The following SH3GL1 variants were observed in gnomAD, a reference collection of about 807,000 sequenced individuals.
SH3GL1 encodes SH3 domain containing GRB2 like 1, endophilin A2.
Under a neutral mutation model 48.8 loss-of-function variants are expected in SH3GL1, and 21 were observed. That is an observed-to-expected ratio of 0.43 (90% CI 0.30 to 0.62). SH3GL1 has a LOEUF of 0.62. Among genes scored for constraint, SH3GL1 ranks in the 20% least tolerant of loss-of-function variants. The probability of loss-of-function intolerance (pLI) is 0.11; values close to 1 mark genes in which losing one functional copy is unlikely to be tolerated. For synonymous variants in SH3GL1, 282 were observed against 217.5 expected (o/e 1.30, Z -2.61); for missense variants, 454 against 503.0 (o/e 0.90, Z 0.93).
Position 4,363,216 on chromosome 19 carries a change from C to T in SH3GL1, c.728+154G>A, listed in dbSNP as rs577330136. 2.8e-3 allele frequency among the ~76,000 whole-genome samples: 420 copies of T among 152,312 alleles called. 2 individuals carry two copies. Among genetic ancestry groups the T allele is most frequent in the African/African-American group, 9.9e-3 (411 of 41,566 alleles). On this transcript the variant is annotated intron_variant, in intron 7 of 9. Coordinates refer to ENST00000269886, the MANE Select transcript of SH3GL1 (RefSeq NM_003025.4). ...CTCAGAGCCCCAGCTCCTCTGACCTCGCGGCCCCCCAGGCCTTTCCACTCA... is the reference window on the plus strand; with the variant it reads ...CTCAGAGCCCCAGCTCCTCTGACCTTGCGGCCCCCCAGGCCTTTCCACTCA...
At chr19:4,363,913 CG>C in intron 5 of SH3GL1, 35 bp from the exon 6 acceptor site, 1 of 1,611,334 alleles carries the variant, frequency 6.2e-7, no homozygotes. Context: ...ACACCAGTAG[CG>C]GCCAGAGGGC....
intron 1 of SH3GL1, among the ~76,000 whole-genome samples, chr19:4,397,481 A>G (rs1393247353): frequency 2.0e-5 from 3 of 152,230 alleles, no homozygotes; most frequent in Non-Finnish European, 2.9e-5. Context: ...GTGTCAGCTC[A>G]GGACAATATG....
chr19:4,377,555 G>A (rs377434885), intron 1 of SH3GL1, among the ~76,000 whole-genome samples: 11 of 152,210 alleles, frequency 7.2e-5, no homozygotes, highest in African/African-American at 1.9e-4. Flanking sequence ...CGGGTGGCAC[G>A]GGGCAGGGCA....
intron 1 of SH3GL1, among the ~76,000 whole-genome samples, chr19:4,392,518 T>TCACACACACACACACACACACA (rs60108906): frequency 7.3e-6 from 1 of 137,766 alleles, no homozygotes; most frequent in African/African-American, 2.8e-5. Context: ...CAAGACTCCG[T>TCACACACACACACACACACACA]CACACACACA....
chr19:4,361,629 C>G lies in SH3GL1; in HGVS notation c.1078G>C (p.Val360Leu). The G allele has an allele frequency of 6.2e-7, 1 of 1,606,078 alleles. No homozygotes were observed. The highest frequency in any genetic ancestry group is 8.5e-7 in the Non-Finnish European group (1 of 1,178,984). The change falls in exon 10 of 10, where the codon GTG becomes CTG. Residue 360 changes from valine (V) to leucine (L), a missense_variant. Val to Leu is a conservative substitution (Grantham distance 32). Transcript: ENST00000269886. ...GQSGFFPLSY[V>L]EVLVPLPQ ...TGCGGCAGGGGCACAAGCACCTCCA[C>G]GTAGCTGAGCGGGAAGAAGCCCGAC... is the stretch of plus-strand genomic sequence containing the variant.
At position 4,361,039 on chromosome 19, in the gene SH3GL1, T is replaced by G. The variant is rs183170607; in HGVS notation, c.*561A>C. 152 of 234,492 alleles carry G rather than the reference T, an allele frequency of 6.5e-4. No homozygotes were observed. The highest frequency in any genetic ancestry group is 1.1e-3 in the Non-Finnish European group (136 of 119,076). 14.5% of individuals were successfully genotyped at this position (234,492 alleles called of 1,614,324 possible). ...GGCGGTGAGGCCCTCTGCCCTGGCC[T>G]TGAGGAGAAGGAGTGCGTGTGTGAG... On this transcript the variant is annotated 3_prime_UTR_variant, in exon 10 of 10. Transcript: ENST00000269886.
intron 1 of SH3GL1, among the ~76,000 whole-genome samples, chr19:4,370,135 C>T (rs539232712): frequency 1.3e-5 from 2 of 152,352 alleles, no homozygotes; most frequent in East Asian, 3.9e-4. Flanking sequence ...CTGTCAGGAG[C>T]GAGTGTTCCT....
At chr19:4,394,866 A>G (rs920145937) in intron 1 of SH3GL1, among the ~76,000 whole-genome samples, 13 of 152,158 alleles carry the variant, frequency 8.5e-5, no homozygotes, top group Non-Finnish European at 1.8e-4. Flanking sequence ...AAGCTGTCCT[A>G]TGCATTGTAG....
In SH3GL1 at chr19:4,361,768, C is replaced by G; in HGVS notation, c.939G>C (p.Ala313=). 6.2e-7 allele frequency: 1 copy of G among 1,610,882 alleles called. No homozygotes were observed. The highest frequency in any genetic ancestry group is 8.5e-7 in the Non-Finnish European group (1 of 1,179,820). ...MPPLDQPSCK[A]LYDFEPENDG... ...CGTTCTCGGGCTCGAAGTCGTACAG[C>G]GCCTTGCAGCTCGGCTGGTCCAGGG... The change falls in exon 10 of 10, where the codon GCG becomes GCC. Residue 313 remains alanine, a synonymous_variant. Coordinates refer to ENST00000269886, the MANE Select transcript of SH3GL1 (RefSeq NM_003025.4).
At chr19:4,373,253 G>A (rs1972938942) in intron 1 of SH3GL1, among the ~76,000 whole-genome samples, 1 of 152,228 alleles carries the variant, frequency 6.6e-6, no homozygotes, top group Admixed American at 6.5e-5. Context: ...AAGATGGAGG[G>A]AGCCTCTGCC....
chr19:4,363,128 T>C (rs767880038), intron 7 of SH3GL1, among the ~76,000 whole-genome samples: 1 of 152,142 alleles, frequency 6.6e-6, no homozygotes, highest in African/African-American at 2.4e-5. Context: ...AGCAGCAACG[T>C]GCAGCCAGGG....
At chr19:4,381,528 C>CCCACACGCCTTTTTTTTTTTTTTTT in intron 1 of SH3GL1, among the ~76,000 whole-genome samples, 1 of 97,446 alleles carries the variant, frequency 1.0e-5, no homozygotes, top group African/African-American at 4.1e-5. Context: ...CTCTGTCCCC[C>CCCACACGCCTTTTTTTTTTTTTTTT]TGCTTCTCTG....
rs1258217201 is a variant in SH3GL1 at position 4,367,676 on chromosome 19, G to A, written c.46-682C>T. Among the ~76,000 whole-genome samples, 1 of 152,222 alleles carries A rather than the reference G, an allele frequency of 6.6e-6. No homozygotes were observed. Among genetic ancestry groups the A allele is most frequent in the Non-Finnish European group, 1.5e-5 (1 of 68,040 alleles). On this transcript the variant is annotated intron_variant, in intron 1 of 9. Coordinates refer to ENST00000269886, the MANE Select transcript of SH3GL1 (RefSeq NM_003025.4). This position sits in a 1 kb window ranked among gnomAD's most constrained non-coding sequence, Gnocchi z 4.2. Reference sequence around the variant, plus strand: ...GCGATGACAATGACAGGCACTTACAGCGTCTTTCCTCGTGTGGTGGGAAGG... The same window carrying A: ...GCGATGACAATGACAGGCACTTACAACGTCTTTCCTCGTGTGGTGGGAAGG...
chr19:4,366,828 G>T, intron 2 of SH3GL1, 98 bp downstream of exon 2: 1 of 1,262,498 alleles, frequency 7.9e-7, no homozygotes, highest in Non-Finnish European at 1.2e-6. Context: ...CATCACTCCA[G>T]ACCCAGGCCC....
chr19:4,361,589 ACACGGGTGAGTCACTGCGGCAGGGG>A lies in SH3GL1; in HGVS notation c.1093_*10del. ...GTGTGGACGGAGGGGCGGGGCGGGG[ACACGGGTGAGTCACTGCGGCAGGGG>A]CACAAGCACCTCCACGTAGCTGAGC... On this transcript the variant is annotated stop_lost and 3_prime_UTR_variant, in exon 10 of 10. Coordinates refer to ENST00000269886, the MANE Select transcript of SH3GL1 (RefSeq NM_003025.4). 6.3e-7 allele frequency: 1 copy of A among 1,580,080 alleles called. No individual in the cohort carries two copies. The highest frequency in any genetic ancestry group is 8.6e-7 in the Non-Finnish European group (1 of 1,165,046).
chr19:4,370,562 A>G (rs1212118171), intron 1 of SH3GL1, among the ~76,000 whole-genome samples: 7 of 152,138 alleles, frequency 4.6e-5, no homozygotes, highest in Non-Finnish European at 1.0e-4. Context: ...GGGTCAGAGT[A>G]CCAGCTGCAA....
Position 4,361,376 on chromosome 19 carries a change from C to T in SH3GL1, c.*224G>A, listed in dbSNP as rs888914507. 2.1e-4 allele frequency: 115 copies of T among 559,320 alleles called. No homozygotes were observed. The highest frequency in any genetic ancestry group is 9.2e-4 in the Middle Eastern group (2 of 2,182). 34.6% of individuals were successfully genotyped at this position (559,320 alleles called of 1,614,324 possible). On this transcript the variant is annotated 3_prime_UTR_variant, in exon 10 of 10. Transcript: ENST00000269886. Reference sequence around the variant, plus strand: ...ATGGAGTGGGGAAGGGAGCCGTCACCGTTGGGAGTCAGCGCTAGTGTAAAC... The same window carrying T: ...ATGGAGTGGGGAAGGGAGCCGTCACTGTTGGGAGTCAGCGCTAGTGTAAAC...
At chr19:4,373,109 G>T (rs1972935265) in intron 1 of SH3GL1, among the ~76,000 whole-genome samples, 1 of 122,054 alleles carries the variant, frequency 8.2e-6, no homozygotes, top group African/African-American at 3.4e-5. Context: ...GCCAGGAGGG[G>T]GAGGGAGAGG....
chr19:4,375,963 A>G (rs1973000107), intron 1 of SH3GL1, among the ~76,000 whole-genome samples: 1 of 152,200 alleles, frequency 6.6e-6, no homozygotes. Flanking sequence ...CTTTCTTAAA[A>G]AACGATCTTT....
Sources: allele counts gnomAD v4.1 joint callset (sites outside exome capture counted in the v4.1 genomes callset), GRCh38; gene constraint gnomAD v4.1.1; non-coding constraint Gnocchi (gnomAD v3.1); transcripts MANE v1.5; gene names NCBI Gene and HGNC (gene_info 2026-07-23, HGNC 2026-07-21).